SPAG16: variants seen among roughly 807,000 people sequenced by gnomAD.
The protein encoded by SPAG16 is sperm-associated antigen 16 protein.
A neutral mutation model predicts 80.4 loss-of-function variants in SPAG16; 86 were observed. The observed-to-expected ratio is 1.07, with a 90% CI of 0.90 to 1.28. SPAG16 has a LOEUF of 1.28. SPAG16 is among the 50% of genes most tolerant of loss of function. The pLI is 0.00. For synonymous variants in SPAG16, 294 were observed against 265.9 expected (o/e 1.11, Z -1.03); for missense variants, 870 against 765.3 (o/e 1.14, Z -1.61).
At chr2:213,826,143 T>C (rs2073283576) in intron 10 of SPAG16, among the ~76,000 whole-genome samples, 1 of 152,036 alleles carries the variant, frequency 6.6e-6, no homozygotes, top group Non-Finnish European at 1.5e-5. Context: ...GGGTCTTCTC[T>C]CTTTTTTCAC....
At chr2:214,058,945 C>T (rs769503818) in intron 13 of SPAG16, among the ~76,000 whole-genome samples, 14 of 151,956 alleles carry the variant, frequency 9.2e-5, no homozygotes, top group Non-Finnish European at 1.8e-4. Context: ...TGACTTGTTG[C>T]AGGACATGGG....
intron 15 of SPAG16, among the ~76,000 whole-genome samples, chr2:214,387,765 A>C (rs1559263529): frequency 6.6e-6 from 1 of 152,166 alleles, no homozygotes; most frequent in East Asian, 1.9e-4. Context: ...TGCCCAGTGA[A>C]GGGGGAAGCC....
At chr2:214,134,131 G>A (rs1159602513) in intron 14 of SPAG16, among the ~76,000 whole-genome samples, 2 of 152,176 alleles carry the variant, frequency 1.3e-5, no homozygotes, top group African/African-American at 4.8e-5. Context: ...CATAGTTTCT[G>A]ACTGATCTCC....
At chr2:213,909,761 A>T (rs974632334) in intron 11 of SPAG16, among the ~76,000 whole-genome samples, 1 of 152,234 alleles carries the variant, frequency 6.6e-6, no homozygotes, top group African/African-American at 2.4e-5. Flanking sequence ...TTAGACCAAG[A>T]TCATTCTTGA....
chr2:213,903,137 C>T (rs1178116797), intron 11 of SPAG16, among the ~76,000 whole-genome samples: 3 of 152,142 alleles, frequency 2.0e-5, no homozygotes, highest in Non-Finnish European at 2.9e-5. Context: ...GGGCACAGTG[C>T]AAGCTGTCAG....
At chr2:213,889,731 A>C (rs1364303009) in intron 11 of SPAG16, among the ~76,000 whole-genome samples, 1 of 148,942 alleles carries the variant, frequency 6.7e-6, no homozygotes, top group African/African-American at 2.5e-5. Flanking sequence ...ATATATATAC[A>C]TATATATATA....
intron 10 of SPAG16, among the ~76,000 whole-genome samples, chr2:213,606,668 A>G (rs1290974857): frequency 1.3e-5 from 2 of 152,088 alleles, no homozygotes; most frequent in African/African-American, 4.8e-5. Context: ...CATAATTTCT[A>G]TTCTTATCTT....
Position 213,375,074 on chromosome 2 carries a change from C to T in SPAG16, c.897C>T (p.Ala299=). 1 of 1,609,502 alleles carries T rather than the reference C, an allele frequency of 6.2e-7. No homozygotes were observed. Among genetic ancestry groups the T allele is most frequent in the Non-Finnish European group, 8.5e-7 (1 of 1,178,278 alleles). Residue 299 remains alanine (A), a synonymous_variant, in exon 9 of 16, where the codon GCC becomes GCT. Transcript: ENST00000331683. ...EGPTQKGLRE[A]REQNKCKTKM... ...CTACTCAGAAAGGTCTTCGTGAAGC[C>T]AGGGAACAAAACAAATGTAAAACAA...
intron 10 of SPAG16, among the ~76,000 whole-genome samples, chr2:213,581,119 C>G (rs926369310): frequency 6.6e-6 from 1 of 152,086 alleles, no homozygotes; most frequent in Non-Finnish European, 1.5e-5. Context: ...AACTCTATAG[C>G]TCTTTTTAGT....
At chr2:213,356,813 C>T (rs985203923) in intron 7 of SPAG16, among the ~76,000 whole-genome samples, 1 of 152,038 alleles carries the variant, frequency 6.6e-6, no homozygotes, top group East Asian at 1.9e-4. Context: ...TTTGTTCTTG[C>T]TTCTCTAGTT....
At chr2:213,856,881 T>C (rs1394044031) in intron 10 of SPAG16, among the ~76,000 whole-genome samples, 9 of 152,172 alleles carry the variant, frequency 5.9e-5, no homozygotes, top group Non-Finnish European at 1.0e-4. Flanking sequence ...AAGTAGAAGC[T>C]ATAACGAGTT....
chr2:214,062,991 A>G (rs6739233), intron 13 of SPAG16, among the ~76,000 whole-genome samples: 12,436 of 152,260 alleles, frequency 0.082, 703 homozygotes, highest in Non-Finnish European at 0.12. Context: ...TTAATTTAAT[A>G]ACATTATATT....
chr2:213,480,776 T>C (rs1410520215), intron 9 of SPAG16, among the ~76,000 whole-genome samples: 3 of 152,230 alleles, frequency 2.0e-5, no homozygotes, highest in Non-Finnish European at 2.9e-5. Flanking sequence ...TATGTGATTA[T>C]CATAGTGTTA....
intron 10 of SPAG16, among the ~76,000 whole-genome samples, chr2:213,508,556 G>A (rs1241825064): frequency 6.6e-6 from 1 of 152,130 alleles, no homozygotes; most frequent in Non-Finnish European, 1.5e-5. Context: ...TCCGGCCTGG[G>A]CGACAGAGTG....
At chr2:214,398,468 C>T (rs1701523926) in intron 15 of SPAG16, among the ~76,000 whole-genome samples, 1 of 152,142 alleles carries the variant, frequency 6.6e-6, no homozygotes, top group East Asian at 1.9e-4. Flanking sequence ...TACTTTAACT[C>T]CAAGTACTCA....
At chr2:213,748,018 A>T (rs529600681) in intron 10 of SPAG16, among the ~76,000 whole-genome samples, 4 of 152,348 alleles carry the variant, frequency 2.6e-5, no homozygotes, top group African/African-American at 9.6e-5. Context: ...TATTGTTAAT[A>T]ATACCCTTGT....
chr2:213,414,024 A>G (rs1172276300), intron 9 of SPAG16, among the ~76,000 whole-genome samples: 4 of 152,216 alleles, frequency 2.6e-5, no homozygotes. Flanking sequence ...AAAATATAAA[A>G]TAATAGCTAA....
At chr2:214,271,063 G>T (rs1300829563) in intron 15 of SPAG16, among the ~76,000 whole-genome samples, 2 of 152,126 alleles carry the variant, frequency 1.3e-5, no homozygotes, top group African/African-American at 4.8e-5. Flanking sequence ...TGACTTTTGA[G>T]ATCTTAATTT....
intron 10 of SPAG16, among the ~76,000 whole-genome samples, chr2:213,539,392 A>G (rs1210604159): frequency 6.6e-6 from 1 of 152,214 alleles, no homozygotes; most frequent in Non-Finnish European, 1.5e-5. Context: ...AAACATAGCT[A>G]AGTTCAAAGT....
Sources: allele counts gnomAD v4.1 joint callset (sites outside exome capture counted in the v4.1 genomes callset), GRCh38; gene constraint gnomAD v4.1.1; transcripts MANE v1.5; gene names NCBI Gene and HGNC (gene_info 2026-07-23, HGNC 2026-07-21).